The following CPT1A variants were observed in gnomAD, a reference collection of about 807,000 sequenced individuals.
CPT1A encodes carnitine palmitoyltransferase 1A, also known as carnitine O-palmitoyltransferase 1, liver isoform.
In CPT1A, 64 loss-of-function variants were observed where a neutral mutation model predicts 100.8. The ratio of observed to expected loss-of-function variants is 0.63; its 90% CI spans 0.52 to 0.78. The LOEUF is 0.78. Among genes scored for constraint, CPT1A ranks in the 30% least tolerant of loss-of-function variants. The probability of loss-of-function intolerance (pLI) is 0.00; values close to 1 mark genes in which losing one functional copy is unlikely to be tolerated. For missense variants in CPT1A, 802 were observed against 1,034.1 expected (o/e 0.78, Z 3.08); for synonymous variants, 363 against 396.0 (o/e 0.92, Z 0.99).
At position 68,795,843 on chromosome 11, in the gene CPT1A, G is replaced by A. The variant is rs531166359; in HGVS notation, c.772-932C>T. Among the ~76,000 whole-genome samples, 39 of 151,828 alleles carry A rather than the reference G, an allele frequency of 2.6e-4. 1 individual carries two copies. Among genetic ancestry groups the A allele is most frequent in the Admixed American group, 2.4e-3 (36 of 15,216 alleles). ...GAGAATTGCTGGAACCCAGGAGGCA[G>A]AGGCTGCAGTGAGATGAATTGCACC... On this transcript the variant is annotated intron_variant, in intron 7 of 18. Transcript: ENST00000265641.
At chr11:68,802,402 T>A (rs1855926847) in intron 5 of CPT1A, among the ~76,000 whole-genome samples, 1 of 147,138 alleles carries the variant, frequency 6.8e-6, no homozygotes, top group Non-Finnish European at 1.5e-5. Flanking sequence ...AACACGAGCC[T>A]GGACAAGACA....
chr11:68,787,901 G>T (rs1019480299), intron 9 of CPT1A, among the ~76,000 whole-genome samples: 2 of 146,616 alleles, frequency 1.4e-5, no homozygotes, highest in East Asian at 2.0e-4. Flanking sequence ...CCGAGATTGT[G>T]CACTGCATTC....
intron 18 of CPT1A, 38 bp from the exon 19 acceptor site, chr11:68,757,768 C>A: frequency 1.3e-6 from 2 of 1,552,720 alleles, no homozygotes; most frequent in Non-Finnish European, 1.8e-6. Context: ...CCTATTAAAA[C>A]GTGGCCATCC....
At position 68,757,271 on chromosome 11, in the gene CPT1A, A is replaced by G. The variant is rs1304588086; in HGVS notation, c.*373T>C. ...GCTTGGATGATGCTAAATGCCCTTA[A>G]GCACTAGGCCTTCGGTTGCCACTGA... On this transcript the variant is annotated 3_prime_UTR_variant, in exon 19 of 19. Transcript: ENST00000265641. 1.8e-6 allele frequency: 2 copies of G among 1,134,504 alleles called. No homozygotes were observed. Among genetic ancestry groups the G allele is most frequent in the African/African-American group, 3.2e-5 (2 of 62,304 alleles). The allele number at this position is 1,134,504 out of a possible 1,614,324, so 70.3% of individuals were successfully genotyped here.
At chr11:68,821,541 C>T (rs545883488) in intron 1 of CPT1A, among the ~76,000 whole-genome samples, 2 of 152,274 alleles carry the variant, frequency 1.3e-5, no homozygotes, top group African/African-American at 4.8e-5. Flanking sequence ...CCACCCACCT[C>T]GGCCTCCCAA....
At chr11:68,796,778 T>C in intron 7 of CPT1A, 78 bp downstream of exon 7, 3 of 1,415,864 alleles carry the variant, frequency 2.1e-6, no homozygotes, top group Non-Finnish European at 3.0e-6. Flanking sequence ...TCCACAGGCC[T>C]GTGAAGACGC....
chr11:68,780,083 C>T (rs1211186272), intron 12 of CPT1A, among the ~76,000 whole-genome samples: 1 of 152,118 alleles, frequency 6.6e-6, no homozygotes, highest in Non-Finnish European at 1.5e-5. Context: ...AGTCAACTGC[C>T]ATTTCACTCT....
intron 17 of CPT1A, among the ~76,000 whole-genome samples, 176 bp from the exon 18 acceptor site, chr11:68,759,837 G>A (rs1463243942): frequency 1.3e-5 from 2 of 151,450 alleles, no homozygotes; most frequent in African/African-American, 2.4e-5. Context: ...AGACCAGCCC[G>A]GACAACATGG....
chr11:68,773,501 T>A, intron 13 of CPT1A, 72 bp from the exon 14 acceptor site: 1 of 1,607,306 alleles, frequency 6.2e-7, no homozygotes. Context: ...AGAAGGAAAT[T>A]GGAGGCTGGT....
chr11:68,796,495 G>A (rs533556622), intron 7 of CPT1A, among the ~76,000 whole-genome samples: 1 of 152,152 alleles, frequency 6.6e-6, no homozygotes, highest in African/African-American at 2.4e-5. Context: ...GGCGGAGGCT[G>A]CAGTGAGCCG....
At chr11:68,809,543 G>A (rs117679370) in intron 3 of CPT1A, among the ~76,000 whole-genome samples, 2 of 152,016 alleles carry the variant, frequency 1.3e-5, no homozygotes, top group Non-Finnish European at 2.9e-5. Context: ...ATGTTGCTCA[G>A]GCTGATCTTG....
chr11:68,772,263 G>A (rs984942101), intron 14 of CPT1A, among the ~76,000 whole-genome samples: 1 of 152,176 alleles, frequency 6.6e-6, no homozygotes, highest in Non-Finnish European at 1.5e-5. Context: ...TGAGGCAGGA[G>A]AACTGCTTGA....
intron 18 of CPT1A, among the ~76,000 whole-genome samples, chr11:68,758,584 G>C (rs1169109664): frequency 6.6e-6 from 1 of 150,918 alleles, no homozygotes; most frequent in African/African-American, 2.4e-5. Flanking sequence ...GCCAACAGAG[G>C]TAAACATGTT....
upstream of CPT1A, among the ~76,000 whole-genome samples, chr11:68,843,654 A>G (rs922196141): frequency 5.9e-5 from 9 of 152,256 alleles, no homozygotes; most frequent in Admixed American, 4.6e-4. This position sits in a 1 kb window ranked among gnomAD's most constrained non-coding sequence, Gnocchi z 4.0. Context: ...TTTAATTTGC[A>G]TTTCTTTGAG....
intron 5 of CPT1A, 105 bp from the exon 6 acceptor site, chr11:68,799,460 G>C (rs1488819509): frequency 1.5e-6 from 2 of 1,300,822 alleles, no homozygotes; most frequent in African/African-American, 2.9e-5. Context: ...ACATTGAAAA[G>C]GTTTTAGGCT....
At chr11:68,816,414 C>T (rs528128031) in intron 1 of CPT1A, among the ~76,000 whole-genome samples, 2 of 152,332 alleles carry the variant, frequency 1.3e-5, no homozygotes, top group East Asian at 3.9e-4. Flanking sequence ...GGCGGCCCCA[C>T]GGGCTAAACG....
intron 10 of CPT1A, among the ~76,000 whole-genome samples, chr11:68,783,463 C>G (rs770712651): frequency 6.6e-6 from 1 of 152,206 alleles, no homozygotes; most frequent in Non-Finnish European, 1.5e-5. Flanking sequence ...CCACTGTCCT[C>G]CTGGTCTGCT....
In CPT1A at chr11:68,841,906, A is replaced by C. The variant is rs986957476; in HGVS notation, c.-145T>G. The C allele has an allele frequency of 1.0e-6, 1 of 985,788 alleles. No homozygotes were observed. The highest frequency in any genetic ancestry group is 6.2e-5 in the Admixed American group (1 of 16,120). The allele number at this position is 985,788 out of a possible 1,614,324, so 61.1% of individuals were successfully genotyped here. On this transcript the variant is annotated 5_prime_UTR_variant, in exon 1 of 19. Coordinates refer to ENST00000265641, the MANE Select transcript of CPT1A (RefSeq NM_001876.4). The surrounding 1 kb of genome is among the most constrained non-coding windows in gnomAD (Gnocchi z 6.3). ...GAGGCCGAGCGCACCCGACGCCGGCAGCAGCGGATTGGCTGAGGCGGGTCC... is the reference window on the plus strand; with the variant it reads ...GAGGCCGAGCGCACCCGACGCCGGCCGCAGCGGATTGGCTGAGGCGGGTCC...
intron 1 of CPT1A, among the ~76,000 whole-genome samples, chr11:68,837,822 T>A (rs1857048194): frequency 2.0e-5 from 3 of 151,846 alleles, no homozygotes; most frequent in Admixed American, 1.3e-4. Context: ...CAAGACCTTG[T>A]CACTAAAGAA....
Sources: gnomAD v4.1 joint callset for allele counts (sites outside exome capture counted in the v4.1 genomes callset) on GRCh38, gnomAD v4.1.1 for gene constraint, Gnocchi (gnomAD v3.1) non-coding constraint, MANE v1.5 for transcripts, NCBI Gene and HGNC (gene_info 2026-07-23, HGNC 2026-07-21) for gene names.